C3orf20: variants seen among roughly 807,000 people sequenced by gnomAD.
C3orf20 encodes the protein family with sequence similarity 149 member C.
C3orf20 carries 76 observed loss-of-function variants against 88.3 expected under a neutral mutation model. That is an observed-to-expected ratio of 0.86 (90% CI 0.72 to 1.04). The LOEUF is 1.04. Ranked by LOEUF, C3orf20 falls within the 50% of genes least tolerant of loss-of-function variation. C3orf20 has a pLI of 0.00. For synonymous variants in C3orf20, 436 were observed against 437.4 expected, an observed-to-expected ratio of 1.00 and a Z score of 0.04; for missense variants, 1,056 against 1,123.3, an observed-to-expected ratio of 0.94 and a Z score of 0.86.
rs376883938 is a variant in C3orf20 at position 14,763,603 on chromosome 3, A to G, written c.2495+1988A>G. 2.6e-4 allele frequency among the ~76,000 whole-genome samples: 39 copies of G among 152,334 alleles called. 1 individual carries two copies. In the South Asian group the frequency reaches 2.9e-3, roughly 11 times the overall value. On this transcript the variant is annotated intron_variant, in intron 15 of 16. Transcript: ENST00000253697. ...TGCCAGAAAGTAGTTACAAAGAGAC[A>G]TATTTTATTTGGCTCTAGATGTCCT...
chr3:14,744,931 A>G (rs2125014316), intron 12 of C3orf20, among the ~76,000 whole-genome samples: 1 of 152,346 alleles, frequency 6.6e-6, no homozygotes, highest in South Asian at 2.1e-4. Flanking sequence ...TTGGTGTAAT[A>G]ATTCCTTCTT....
Position 14,684,399 on chromosome 3 carries a change from C to A in C3orf20, c.625+17C>A, listed in dbSNP as rs758169151. 1 of 1,612,322 alleles carries A rather than the reference C, an allele frequency of 6.2e-7. No individual in the cohort carries two copies. The highest frequency in any genetic ancestry group is 8.5e-7 in the Non-Finnish European group (1 of 1,179,232). ...TGTGGAAAGGTGGGTACCTGAGCTT[C>A]AACCCTTAGGTAAGAAGTGCAAACA... On this transcript the variant is annotated intron_variant, in intron 4 of 16. Transcript: ENST00000253697.
chr3:14,744,526 G>A (rs2035004980), intron 12 of C3orf20, among the ~76,000 whole-genome samples: 1 of 151,766 alleles, frequency 6.6e-6, no homozygotes, highest in East Asian at 1.9e-4. Context: ...ACATTTTCGG[G>A]TATCTTTTCA....
In C3orf20 at chr3:14,701,983, C is replaced by G. The variant is rs181013769; in HGVS notation, c.746-1147C>G. Among the ~76,000 whole-genome samples, 437 of 152,296 alleles carry G rather than the reference C, an allele frequency of 2.9e-3. No homozygotes were observed. Among genetic ancestry groups the G allele is most frequent in the Non-Finnish European group, 5.2e-3 (357 of 68,036 alleles). On this transcript the variant is annotated intron_variant, in intron 5 of 16. Transcript: ENST00000253697. This position sits in a 1 kb window ranked among gnomAD's most constrained non-coding sequence, Gnocchi z 4.6. ...ATTCTGACATTTAAAGGATGCTGCT[C>G]TCCTGCTCTTCTTGGCCCCGTGTCC...
chr3:14,707,385 T>A (rs1019865982), intron 7 of C3orf20, among the ~76,000 whole-genome samples: 12 of 151,838 alleles, frequency 7.9e-5, no homozygotes, highest in Admixed American at 7.2e-4. Context: ...GTGTGAGTGG[T>A]ATCTCACTGT....
At chr3:14,761,442 G>T in intron 14 of C3orf20, 31 bp from the exon 15 acceptor site, 3 of 1,613,866 alleles carry the variant, frequency 1.9e-6, no homozygotes, top group Non-Finnish European at 2.5e-6. Flanking sequence ...GATGTGCTGA[G>T]GATCTCTCCT....
chr3:14,701,382 A>C lies in C3orf20; in HGVS notation c.746-1748A>C, dbSNP rs550097488. ...CATCCTCAAATCCAAGGTGAAGTTA[A>C]GCCTGCATACTTCGAGGCTGCAGCT... On this transcript the variant is annotated intron_variant, in intron 5 of 16. Transcript: ENST00000253697. This position sits in a 1 kb window ranked among gnomAD's most constrained non-coding sequence, Gnocchi z 4.6. 6.6e-6 allele frequency among the ~76,000 whole-genome samples: 1 copy of C among 152,258 alleles called. No homozygotes were observed. The highest frequency in any genetic ancestry group is 2.1e-4 in the South Asian group (1 of 4,810).
At chr3:14,730,533 C>T (rs141555712) in intron 12 of C3orf20, among the ~76,000 whole-genome samples, 4,377 of 151,790 alleles carry the variant, frequency 0.029, 86 homozygotes, top group Middle Eastern at 0.059. Context: ...GGTGACAGAG[C>T]GAGACTGTGT....
At chr3:14,744,710 G>A (rs907536494) in intron 12 of C3orf20, among the ~76,000 whole-genome samples, 5 of 151,906 alleles carry the variant, frequency 3.3e-5, no homozygotes, top group East Asian at 1.9e-4. Context: ...ACATGGCGAC[G>A]ACAAGAGAAA....
chr3:14,744,545 C>T (rs540217758), intron 12 of C3orf20, among the ~76,000 whole-genome samples: 5 of 152,080 alleles, frequency 3.3e-5, no homozygotes, highest in African/African-American at 7.3e-5. Flanking sequence ...CAGCAATGCC[C>T]CACTCTACTG....
chr3:14,765,549 T>C (rs531588431), intron 15 of C3orf20: 3 of 152,426 alleles, frequency 2.0e-5, no homozygotes, highest in African/African-American at 7.2e-5. Context: ...AGGCCCTCAC[T>C]GTTGCTTGGT....
chr3:14,762,845 G>T (rs753957939), intron 15 of C3orf20, among the ~76,000 whole-genome samples: 4 of 152,182 alleles, frequency 2.6e-5, no homozygotes, highest in Non-Finnish European at 4.4e-5. Flanking sequence ...AGTAAGCTGA[G>T]TCTGGGCCTT....
chr3:14,732,772 C>G (rs1392427099), intron 12 of C3orf20, among the ~76,000 whole-genome samples: 4 of 152,060 alleles, frequency 2.6e-5, no homozygotes, highest in African/African-American at 9.7e-5. Context: ...AATTCCTGGC[C>G]TAACCCAATG....
chr3:14,682,848 C>T lies in C3orf20; in HGVS notation c.135C>T (p.Asn45=). 6.2e-7 allele frequency: 1 copy of T among 1,614,214 alleles called. No individual in the cohort carries two copies. Among genetic ancestry groups the T allele is most frequent in the African/African-American group, 1.3e-5 (1 of 75,058 alleles). Residue 45 remains asparagine, a synonymous_variant, in exon 3 of 17, where the codon AAC becomes AAT. Transcript: ENST00000253697. ...AGISVPKGIR[N]IFEFTWEELI... is the part of the protein sequence containing the mutation. ...TTTCTGTACCAAAAGGCATCAGAAA[C>T]ATCTTTGAGTTCACTTGGGAAGAGC...
At chr3:14,691,526 T>C (rs1575096256) in intron 5 of C3orf20, among the ~76,000 whole-genome samples, 1 of 152,246 alleles carries the variant, frequency 6.6e-6, no homozygotes, top group Non-Finnish European at 1.5e-5. Context: ...GGTTTCCCCT[T>C]TCTGTGGTTT....
intron 14 of C3orf20, among the ~76,000 whole-genome samples, chr3:14,760,541 AT>A (rs2035526685): frequency 6.7e-6 from 1 of 149,466 alleles, no homozygotes; most frequent in African/African-American, 2.5e-5. Flanking sequence ...TACCATGAGC[AT>A]TTCCCCATGT....
chr3:14,704,221 C>T, intron 6 of C3orf20, 116 bp from the exon 7 acceptor site: 1 of 1,109,464 alleles, frequency 9.0e-7, no homozygotes, highest in Non-Finnish European at 1.3e-6. Flanking sequence ...GGGATGTGTA[C>T]TTTGGGGACA....
intron 12 of C3orf20, among the ~76,000 whole-genome samples, chr3:14,731,948 C>T (rs569016223): frequency 6.6e-6 from 1 of 152,336 alleles, no homozygotes; most frequent in Non-Finnish European, 1.5e-5. Context: ...GATAAAACTG[C>T]TATAAATACT....
chr3:14,755,843 C>T (rs1161359250), intron 12 of C3orf20, among the ~76,000 whole-genome samples: 1 of 151,954 alleles, frequency 6.6e-6, no homozygotes, highest in African/African-American at 2.4e-5. Flanking sequence ...TCCTGGCTAA[C>T]ACGGTGAAAC....
Sources: gnomAD v4.1 joint callset for allele counts (sites outside exome capture counted in the v4.1 genomes callset) on GRCh38, gnomAD v4.1.1 for gene constraint, Gnocchi (gnomAD v3.1) non-coding constraint, MANE v1.5 for transcripts, NCBI Gene and HGNC (gene_info 2026-07-23, HGNC 2026-07-21) for gene names.